Variants in GRIK5 observed in about 807,000 individuals in gnomAD.
GRIK5 encodes the protein glutamate ionotropic receptor kainate type subunit 5.
GRIK5 carries 43 observed loss-of-function variants against 97.4 expected under a neutral mutation model. The observed-to-expected ratio is 0.44, with a 90% CI of 0.35 to 0.57. The LOEUF is 0.57. Ranked by LOEUF, GRIK5 falls within the 20% of genes least tolerant of loss-of-function variation. GRIK5 has a pLI of 0.01. For synonymous variants in GRIK5, 580 were observed against 583.5 expected (o/e 0.99, Z 0.09); for missense variants, 1,015 against 1,382.0 (o/e 0.73, Z 4.21).
Position 42,011,116 on chromosome 19 carries a change from A to AACACAC in GRIK5, c.1872-4312_1872-4307dup, listed in dbSNP as rs112305468. 1.4e-3 allele frequency among the ~76,000 whole-genome samples: 201 copies of AACACAC among 146,578 alleles called. 2 individuals are homozygous for AACACAC. Among genetic ancestry groups the AACACAC allele is most frequent in the Admixed American group, 7.5e-4 (11 of 14,624 alleles). ...GCACCACACCCAGCATTTACTATCT[A>AACACAC]ACACACACACACACACACACACACA... is the stretch of plus-strand genomic sequence containing the variant. On this transcript the variant is annotated intron_variant, in intron 15 of 19. Coordinates refer to ENST00000593562, the MANE Select transcript of GRIK5 (RefSeq NM_002088.5).
rs1186831203 is a variant in GRIK5, at chr19:42,065,127, A to G, written c.244+96T>C. ...AAAGAAGGGGGAGGATGGAGCTAGA[A>G]GAGGACAAGGCCAGGCCAGAGGCCA... On this transcript the variant is annotated intron_variant, in intron 3 of 19. Coordinates refer to ENST00000593562, the MANE Select transcript of GRIK5 (RefSeq NM_002088.5). This position sits in a 1 kb window ranked among gnomAD's most constrained non-coding sequence, Gnocchi z 5.8. 2.8e-6 allele frequency: 3 copies of G among 1,054,862 alleles called. No individual in the cohort carries two copies. The highest frequency in any genetic ancestry group is 2.9e-4 in the Middle Eastern group (1 of 3,398). The allele number at this position is 1,054,862 out of a possible 1,614,324, so 65.3% of individuals were successfully genotyped here. A position where few individuals can be genotyped will look rare whatever the true frequency, so the allele number is the denominator to read the frequency against.
At chr19:42,030,572 C>T (rs1233496564) in intron 12 of GRIK5, among the ~76,000 whole-genome samples, 1 of 152,160 alleles carries the variant, frequency 6.6e-6, no homozygotes, top group Non-Finnish European at 1.5e-5. Context: ...GATCCTCCCA[C>T]CTCAGCCTTC....
rs1373431833 is a variant in GRIK5 at position 42,013,247 on chromosome 19, T to C, written c.1872-6437A>G. ...CAGGCACGTAGTCCTAGCTACTCAGTAGGCGGAGGCAGGAAGATCCCTTGA... is the reference window on the plus strand; with the variant it reads ...CAGGCACGTAGTCCTAGCTACTCAGCAGGCGGAGGCAGGAAGATCCCTTGA... On this transcript the variant is annotated intron_variant, in intron 15 of 19. Coordinates refer to ENST00000593562, the MANE Select transcript of GRIK5 (RefSeq NM_002088.5). Among the ~76,000 whole-genome samples the C allele has an allele frequency of 2.0e-5, 3 of 150,968 alleles. 1 individual carries two copies. Among genetic ancestry groups the C allele is most frequent in the South Asian group, 4.2e-4 (2 of 4,764 alleles).
intron 15 of GRIK5, among the ~76,000 whole-genome samples, chr19:42,013,866 A>G (rs752557798): frequency 4.6e-5 from 7 of 151,802 alleles, no homozygotes; most frequent in Non-Finnish European, 7.4e-5. Flanking sequence ...CGTCTCTACC[A>G]AAAATAAAAA....
rs1320205396 is a variant in GRIK5 at position 42,042,355 on chromosome 19, C to T, written c.1473+197G>A. Among the ~76,000 whole-genome samples, 1 of 152,226 alleles carries T rather than the reference C, an allele frequency of 6.6e-6. No homozygotes were observed. Among genetic ancestry groups the T allele is most frequent in the Non-Finnish European group, 1.5e-5 (1 of 68,050 alleles). ...GGTGATGCATGTACCACCTCTCCTC[C>T]TCTGTCCCATCCCACAGCACCCGCC... is the stretch of plus-strand genomic sequence containing the variant. On this transcript the variant is annotated intron_variant, in intron 12 of 19. Transcript: ENST00000593562. This position sits in a 1 kb window ranked among gnomAD's most constrained non-coding sequence, Gnocchi z 6.9.
intron 15 of GRIK5, among the ~76,000 whole-genome samples, chr19:42,014,530 C>T (rs577919936): frequency 4.3e-4 from 66 of 152,268 alleles, no homozygotes; most frequent in Non-Finnish European, 7.2e-4. Flanking sequence ...TGCCTGTAAT[C>T]CCAGCACTTT....
chr19:42,052,832 T>C (rs1032821527), intron 11 of GRIK5, among the ~76,000 whole-genome samples: 2 of 152,160 alleles, frequency 1.3e-5, no homozygotes, highest in African/African-American at 4.8e-5. Flanking sequence ...GTCAGCATGG[T>C]GCAGCAGAGA....
intron 15 of GRIK5, among the ~76,000 whole-genome samples, chr19:42,011,116 AACACACACAC>A (rs112305468): frequency 4.8e-5 from 7 of 146,482 alleles, no homozygotes; most frequent in Non-Finnish European, 7.6e-5. Context: ...TTTACTATCT[AACACACACAC>A]ACACACACAC....
At chr19:42,052,807 T>C (rs756939350) in intron 11 of GRIK5, among the ~76,000 whole-genome samples, 2 of 152,154 alleles carry the variant, frequency 1.3e-5, no homozygotes, top group East Asian at 1.9e-4. Context: ...TGGAAGCCCA[T>C]TGTGCCTGGC....
chr19:42,047,188 C>T (rs2076053244), intron 11 of GRIK5, among the ~76,000 whole-genome samples: 15 of 151,854 alleles, frequency 9.9e-5, no homozygotes, highest in Admixed American at 9.2e-4. Context: ...ATGCTCAGCC[C>T]CCTTCCCCAG....
intron 15 of GRIK5, among the ~76,000 whole-genome samples, chr19:42,009,695 G>A (rs570174177): frequency 6.6e-6 from 1 of 150,958 alleles, no homozygotes; most frequent in Non-Finnish European, 1.5e-5. Context: ...CTGAACCTGG[G>A]AGGTAGAGGT....
chr19:42,034,249 T>C (rs1046228165), intron 12 of GRIK5, among the ~76,000 whole-genome samples: 1 of 152,052 alleles, frequency 6.6e-6, no homozygotes, highest in African/African-American at 2.4e-5. Flanking sequence ...TAATCCCAGC[T>C]ACTGGGAAAG....
intron 5 of GRIK5, among the ~76,000 whole-genome samples, chr19:42,060,159 T>A (rs2076239733): frequency 6.6e-6 from 1 of 151,404 alleles, no homozygotes; most frequent in South Asian, 2.1e-4. Context: ...AGCCACACAA[T>A]CTGCCCAACT....
At chr19:42,035,721 G>C (rs1171371269) in intron 12 of GRIK5, among the ~76,000 whole-genome samples, 1 of 152,016 alleles carries the variant, frequency 6.6e-6, no homozygotes, top group Non-Finnish European at 1.5e-5. Flanking sequence ...AAAAAATTAA[G>C]AAATTTAAAG....
intron 11 of GRIK5, among the ~76,000 whole-genome samples, chr19:42,052,792 GGCACTGGAAGCCCATTGT>G (rs1214470736): frequency 6.6e-6 from 1 of 152,190 alleles, no homozygotes; most frequent in Non-Finnish European, 1.5e-5. Context: ...GACCTCCTAA[GGCACTGGAAGCCCATTGT>G]GCCTGGCAGG....
chr19:42,008,625 CA>C (rs1363789452), intron 15 of GRIK5, among the ~76,000 whole-genome samples: 5 of 148,588 alleles, frequency 3.4e-5, no homozygotes, highest in South Asian at 2.1e-4. Flanking sequence ...ACTCTTGCCT[CA>C]AAAAAAAAGG....
chr19:42,034,520 T>C (rs1409137295), intron 12 of GRIK5, among the ~76,000 whole-genome samples: 1 of 152,156 alleles, frequency 6.6e-6, no homozygotes, highest in African/African-American at 2.4e-5. Context: ...TTTATACATA[T>C]GGGCTCTCTA....
chr19:42,037,262 C>T (rs2075917517), intron 12 of GRIK5, among the ~76,000 whole-genome samples: 1 of 152,182 alleles, frequency 6.6e-6, no homozygotes, highest in Non-Finnish European at 1.5e-5. Context: ...GAGTTCGAGA[C>T]CAGCCTGGCC....
intron 12 of GRIK5, among the ~76,000 whole-genome samples, chr19:42,029,097 C>T (rs1216381908): frequency 6.6e-6 from 1 of 152,042 alleles, no homozygotes; most frequent in Non-Finnish European, 1.5e-5. Flanking sequence ...GAGACAGAGT[C>T]TTGCTCTGTA....
Sources: allele counts gnomAD v4.1 joint callset (sites outside exome capture counted in the v4.1 genomes callset), GRCh38; gene constraint gnomAD v4.1.1; non-coding constraint Gnocchi (gnomAD v3.1); transcripts MANE v1.5; gene names NCBI Gene and HGNC (gene_info 2026-07-23, HGNC 2026-07-21).